The following KAZN variants were observed in gnomAD, a reference collection of about 807,000 sequenced individuals.
KAZN encodes the protein kazrin.
A neutral mutation model predicts 87.4 loss-of-function variants in KAZN; 40 were observed. The observed-to-expected ratio is 0.46, with a 90% CI of 0.36 to 0.60. The LOEUF (loss-of-function observed/expected upper bound fraction) is 0.60, where lower values mean the gene tolerates loss of function less well. KAZN is among the 20% of genes least tolerant of loss of function. The pLI is 0.00. For synonymous variants in KAZN, 466 were observed against 458.3 expected, an observed-to-expected ratio of 1.02 and a Z score of -0.22; for missense variants, 898 against 1,073.9, an observed-to-expected ratio of 0.84 and a Z score of 2.29.
At position 14,735,498 on chromosome 1, in the gene KAZN, T is replaced by C. The variant is rs1222465922; in HGVS notation, c.226+136275T>C. Among the ~76,000 whole-genome samples, 1 of 152,128 alleles carries C rather than the reference T, an allele frequency of 6.6e-6. No individual in the cohort carries two copies. The highest frequency in any genetic ancestry group is 2.4e-5 in the African/African-American group (1 of 41,426). ...AGGCTGGACCCCGAAACCACCCCCATACACAAAGCCTGAGTGTCAAAGCCT... is the reference window on the plus strand; with the variant it reads ...AGGCTGGACCCCGAAACCACCCCCACACACAAAGCCTGAGTGTCAAAGCCT... On this transcript the variant is annotated intron_variant, in intron 1 of 14. Coordinates refer to ENST00000376030, the MANE Select transcript of KAZN (RefSeq NM_201628.3). This position sits in a 1 kb window ranked among gnomAD's most constrained non-coding sequence, Gnocchi z 4.3.
chr1:14,677,836 A>G (rs754598927), intron 1 of KAZN, among the ~76,000 whole-genome samples: 1 of 152,244 alleles, frequency 6.6e-6, no homozygotes, highest in Non-Finnish European at 1.5e-5. Context: ...GTAACTGTCA[A>G]TGGGGTATGC....
rs140224966 is a variant in KAZN at position 14,424,257 on chromosome 1, A to C, written c.250-174726A>C. 1.4e-3 allele frequency among the ~76,000 whole-genome samples: 210 copies of C among 152,368 alleles called. 1 individual carries two copies. The highest frequency in any genetic ancestry group is 5.0e-3 in the African/African-American group (206 of 41,580). ...CCAAAGACCACATTCAGCAAATCGT[A>C]GTCTCATGATCATTACACTTCACGT... On this transcript the variant is annotated intron_variant, in intron 2 of 16. Transcript: ENST00000636203.
At chr1:13,966,036 G>T (rs1283239169) in intron 1 of KAZN, among the ~76,000 whole-genome samples, 1 of 152,140 alleles carries the variant, frequency 6.6e-6, no homozygotes, top group Admixed American at 6.5e-5. Flanking sequence ...CACAGTCCAG[G>T]CGGCTCTCCA....
chr1:14,190,351 G>T (rs1039685910), intron 2 of KAZN, among the ~76,000 whole-genome samples: 2 of 152,046 alleles, frequency 1.3e-5, no homozygotes, highest in African/African-American at 4.8e-5. Context: ...TAATACCCCC[G>T]GTGACTTTGT....
At chr1:14,637,685 G>T (rs1557855438) in intron 1 of KAZN, among the ~76,000 whole-genome samples, 1 of 151,804 alleles carries the variant, frequency 6.6e-6, no homozygotes, top group African/African-American at 2.4e-5. Context: ...GGGGAGTGAG[G>T]GTTAAGAACC....
intron 1 of KAZN, among the ~76,000 whole-genome samples, chr1:14,843,616 T>C (rs1648298913): frequency 6.6e-6 from 1 of 152,164 alleles, no homozygotes; most frequent in South Asian, 2.1e-4. Context: ...GACCCAGAGG[T>C]GGGAAAGATT....
intron 1 of KAZN, among the ~76,000 whole-genome samples, chr1:14,016,551 T>C (rs996190414): frequency 2.6e-5 from 4 of 152,098 alleles, no homozygotes; most frequent in African/African-American, 9.7e-5. Context: ...TTTATGAGAT[T>C]GTACACAATC....
At chr1:14,155,806 T>A (rs893835204) in intron 1 of KAZN, among the ~76,000 whole-genome samples, 8 of 152,018 alleles carry the variant, frequency 5.3e-5, no homozygotes, top group Admixed American at 1.3e-4. Context: ...TACACCACCA[T>A]GTCCAGTTAA....
At chr1:14,272,508 A>C (rs1044563768) in intron 2 of KAZN, among the ~76,000 whole-genome samples, 2 of 152,220 alleles carry the variant, frequency 1.3e-5, no homozygotes, top group Non-Finnish European at 2.9e-5. Context: ...TTTTGCATGC[A>C]TGTTAGTGCA....
chr1:14,217,482 T>C (rs535685324), intron 2 of KAZN, among the ~76,000 whole-genome samples: 1 of 151,964 alleles, frequency 6.6e-6, no homozygotes, highest in East Asian at 1.9e-4. Context: ...GGAAGATTTA[T>C]AAATGAAGTT....
Position 14,931,387 on chromosome 1 carries a change from T to G in KAZN, c.227-29297T>G, listed in dbSNP as rs1212437992. Among the ~76,000 whole-genome samples, 5 of 152,070 alleles carry G rather than the reference T, an allele frequency of 3.3e-5. No homozygotes were observed. In the East Asian group the frequency reaches 9.7e-4, roughly 29 times the overall value. On this transcript the variant is annotated intron_variant, in intron 1 of 14. Transcript: ENST00000376030. ...TGAATCCAGGAGAAGAGGCAGAGGT[T>G]ATAGTGAGCTAAGATCATGCCACTG...
intron 1 of KAZN, among the ~76,000 whole-genome samples, chr1:14,899,268 G>A (rs1655593830): frequency 6.6e-6 from 1 of 152,210 alleles, no homozygotes; most frequent in Non-Finnish European, 1.5e-5. Context: ...GGAGACTTTG[G>A]GGCATGGCCA....
intron 1 of KAZN, among the ~76,000 whole-genome samples, chr1:14,071,121 C>A (rs567043195): frequency 2.6e-5 from 4 of 152,074 alleles, no homozygotes; most frequent in Non-Finnish European, 4.4e-5. Context: ...CCCATGTGTA[C>A]AATCATATAG....
intron 2 of KAZN, among the ~76,000 whole-genome samples, chr1:14,233,062 G>A (rs964409880): frequency 3.3e-5 from 5 of 152,144 alleles, no homozygotes; most frequent in Non-Finnish European, 5.9e-5. Flanking sequence ...CTTGAGTTCT[G>A]CAAGGCTATG....
intron 1 of KAZN, among the ~76,000 whole-genome samples, chr1:14,779,205 G>A (rs185226512): frequency 2.3e-4 from 35 of 152,322 alleles, no homozygotes; most frequent in Non-Finnish European, 4.4e-4. Context: ...GTGCCATGGA[G>A]AATGGGAAAC....
intron 1 of KAZN, among the ~76,000 whole-genome samples, chr1:13,904,759 A>C (rs926687093): frequency 2.6e-5 from 4 of 152,104 alleles, no homozygotes; most frequent in African/African-American, 4.8e-5. Flanking sequence ...TATTTATCCT[A>C]TCTGGGGTTT....
At chr1:14,686,777 A>C (rs1383801728) in intron 1 of KAZN, among the ~76,000 whole-genome samples, 1 of 152,168 alleles carries the variant, frequency 6.6e-6, no homozygotes, top group Non-Finnish European at 1.5e-5. Flanking sequence ...AAACATCCAC[A>C]CAGAACATTT....
intron 2 of KAZN, among the ~76,000 whole-genome samples, chr1:14,186,293 G>A (rs1394612009): frequency 6.6e-6 from 1 of 152,126 alleles, no homozygotes; most frequent in Non-Finnish European, 1.5e-5. Context: ...ATACGAAATA[G>A]TAACAAAATC....
chr1:14,866,818 CTT>C (rs1271889544), intron 1 of KAZN, among the ~76,000 whole-genome samples: 1 of 152,184 alleles, frequency 6.6e-6, no homozygotes, highest in Non-Finnish European at 1.5e-5. Flanking sequence ...CTTCCAAGAC[CTT>C]GGGCCTCACT....
Sources: gnomAD v4.1 joint callset for allele counts (sites outside exome capture counted in the v4.1 genomes callset) on GRCh38, gnomAD v4.1.1 for gene constraint, Gnocchi (gnomAD v3.1) non-coding constraint, MANE v1.5 for transcripts, NCBI Gene and HGNC (gene_info 2026-07-23, HGNC 2026-07-21) for gene names.